CRYBA1: variants seen among roughly 807,000 people sequenced by gnomAD.
CRYBA1 encodes the protein beta-crystallin A3.
In CRYBA1, 25 loss-of-function variants were observed where a neutral mutation model predicts 36.2. The ratio of observed to expected loss-of-function variants is 0.69; its 90% CI spans 0.50 to 0.97. CRYBA1 has a LOEUF of 0.97. Ranked by LOEUF, CRYBA1 falls within the 50% of genes least tolerant of loss-of-function variation. The pLI is 0.00. For synonymous variants in CRYBA1, 111 were observed against 90.0 expected (o/e 1.23, Z -1.32); for missense variants, 224 against 276.3 (o/e 0.81, Z 1.34).
intron 1 of CRYBA1, among the ~76,000 whole-genome samples, chr17:29,247,846 G>A (rs551093062): frequency 3.3e-5 from 5 of 152,346 alleles, no homozygotes; most frequent in Admixed American, 2.6e-4. Flanking sequence ...GCCAGGCGCC[G>A]TGGCTCATGC....
chr17:29,247,516 T>C (rs1289442000), intron 1 of CRYBA1, among the ~76,000 whole-genome samples: 1 of 152,206 alleles, frequency 6.6e-6, no homozygotes, highest in African/African-American at 2.4e-5. Context: ...GGGCCGGACA[T>C]GTAGATAGCC....
In CRYBA1 at chr17:29,249,895, A is replaced by T. The variant is rs200402953; in HGVS notation, c.97-287A>T. Among the ~76,000 whole-genome samples, 63 of 120,564 alleles carry T rather than the reference A, an allele frequency of 5.2e-4. 1 individual carries two copies. In the Middle Eastern group the frequency reaches 0.015, roughly 28 times the overall value. 79.1% of individuals were successfully genotyped at this position (120,564 alleles called of 152,430 possible). ...AGGAACTGTGGTGGAATGGGAGCCCATAAGTCCTTGGCCTGTCCATTGGTC... is the reference window on the plus strand; with the variant it reads ...AGGAACTGTGGTGGAATGGGAGCCCTTAAGTCCTTGGCCTGTCCATTGGTC... On this transcript the variant is annotated intron_variant, in intron 2 of 5. Coordinates refer to ENST00000225387, the MANE Select transcript of CRYBA1 (RefSeq NM_005208.5).
At chr17:29,253,953 A>T (rs1267729973) in intron 5 of CRYBA1, among the ~76,000 whole-genome samples, 171 bp downstream of exon 5, 1 of 152,182 alleles carries the variant, frequency 6.6e-6, no homozygotes, top group African/African-American at 2.4e-5. Flanking sequence ...TTGCAGATTT[A>T]TCTCCCCCAG....
At chr17:29,251,857 C>A (rs2068937348) in intron 3 of CRYBA1, among the ~76,000 whole-genome samples, 1 of 152,112 alleles carries the variant, frequency 6.6e-6, no homozygotes, top group African/African-American at 2.4e-5. Context: ...TCAGTGATAA[C>A]CCCCAAACAA....
At chr17:29,252,834 T>C (rs1176204816) in intron 4 of CRYBA1, among the ~76,000 whole-genome samples, 2 of 152,242 alleles carry the variant, frequency 1.3e-5, no homozygotes, top group Admixed American at 1.3e-4. Context: ...TGAGAGTTTC[T>C]CGTGATTTTG....
chr17:29,252,931 T>C (rs187014066), intron 4 of CRYBA1, among the ~76,000 whole-genome samples: 1 of 152,240 alleles, frequency 6.6e-6, no homozygotes, highest in Non-Finnish European at 1.5e-5. Flanking sequence ...AAATAAATAG[T>C]TGCCTGTCTG....
At position 29,253,759 on chromosome 17, in the gene CRYBA1, C is replaced by G; in HGVS notation, c.477C>G (p.Gly159=). The change falls in exon 5 of 6, where the codon GGC becomes GGG. Residue 159 remains glycine, a synonymous_variant. Transcript: ENST00000225387. ...QAMGWFNNEV[G]SMKIQSGAWV... ...TGGGCTGGTTCAACAACGAAGTCGG[C>G]TCCATGAAGATACAAAGTGGGGCGT... is the stretch of plus-strand genomic sequence containing the variant. 1.2e-6 allele frequency: 2 copies of G among 1,614,200 alleles called. No individual in the cohort carries two copies. The highest frequency in any genetic ancestry group is 1.7e-6 in the Non-Finnish European group (2 of 1,180,040).
At chr17:29,249,889 G>A (rs1598424780) in intron 2 of CRYBA1, among the ~76,000 whole-genome samples, 1 of 149,582 alleles carries the variant, frequency 6.7e-6, no homozygotes, top group Admixed American at 6.7e-5. Flanking sequence ...GGTGGAATGG[G>A]AGCCCATAAG....
Position 29,254,468 on chromosome 17 carries a change from CAAT to C in CRYBA1, c.*122_*124del. The stretch of plus-strand genomic sequence containing the variant: ...TTCAAATGTTAGCTGCTGAAATCCA[CAAT>C]AAACGTCATTTAAAAAAAAAAAACT... On this transcript the variant is annotated 3_prime_UTR_variant, in exon 6 of 6. Coordinates refer to ENST00000225387, the MANE Select transcript of CRYBA1 (RefSeq NM_005208.5). The C allele has an allele frequency of 9.5e-7, 1 of 1,052,018 alleles. No homozygotes were observed. Among genetic ancestry groups the C allele is most frequent in the Non-Finnish European group, 1.4e-6 (1 of 704,694 alleles). The allele number at this position is 1,052,018 out of a possible 1,614,324, so 65.2% of individuals were successfully genotyped here. A position where few individuals can be genotyped will look rare whatever the true frequency, so the allele number is the denominator to read the frequency against.
intron 1 of CRYBA1, 49 bp from the exon 2 acceptor site, chr17:29,249,093 C>T (rs766141643): frequency 1.6e-6 from 2 of 1,239,228 alleles, no homozygotes; most frequent in South Asian, 1.2e-5. Context: ...TCCCTCACCT[C>T]CCCCTCCTCC....
chr17:29,250,124 C>G (rs1380796643), intron 2 of CRYBA1, 58 bp from the exon 3 acceptor site: 2 of 971,776 alleles, frequency 2.1e-6, no homozygotes, highest in Non-Finnish European at 3.4e-6. Context: ...AGCTGTTGAC[C>G]TGGACCTCTG....
chr17:29,249,655 C>G (rs1422197416), intron 2 of CRYBA1, among the ~76,000 whole-genome samples: 1 of 152,238 alleles, frequency 6.6e-6, no homozygotes, highest in Non-Finnish European at 1.5e-5. Context: ...ACTCCCCACT[C>G]TCCTCATTGG....
At chr17:29,251,787 T>C (rs2068936837) in intron 3 of CRYBA1, among the ~76,000 whole-genome samples, 2 of 152,176 alleles carry the variant, frequency 1.3e-5, no homozygotes, top group Admixed American at 6.5e-5. Context: ...CCAGGAAATA[T>C]AATTTTAGAT....
intron 3 of CRYBA1, among the ~76,000 whole-genome samples, chr17:29,251,162 C>T (rs1457741492): frequency 6.6e-6 from 1 of 152,156 alleles, no homozygotes; most frequent in Admixed American, 6.5e-5. Context: ...CCATCAGTTG[C>T]TTGTTCATCC....
chr17:29,248,795 C>T (rs894823406), intron 1 of CRYBA1, among the ~76,000 whole-genome samples: 1 of 151,864 alleles, frequency 6.6e-6, no homozygotes, highest in Non-Finnish European at 1.5e-5. Flanking sequence ...GGTGAAACCC[C>T]CATCTCTACT....
chr17:29,250,345 C>T (rs772371964), intron 3 of CRYBA1, 45 bp downstream of exon 3: 4 of 1,096,756 alleles, frequency 3.6e-6, no homozygotes, highest in Non-Finnish European at 5.7e-6. Flanking sequence ...ATTTCAGGTC[C>T]CTTCAGACAG....
chr17:29,247,288 C>T (rs375571319), intron 1 of CRYBA1, among the ~76,000 whole-genome samples: 100 of 152,296 alleles, frequency 6.6e-4, no homozygotes, highest in Middle Eastern at 3.4e-3. Flanking sequence ...ACCTAATACA[C>T]ACCTGCCTGT....
Position 29,251,940 on chromosome 17 carries a change from C to T in CRYBA1, c.216-124C>T, listed in dbSNP as rs941357355. 5.8e-6 allele frequency: 7 copies of T among 1,206,762 alleles called. No homozygotes were observed. In the African/African-American group the frequency reaches 1.0e-4, roughly 18 times the overall value. The allele number at this position is 1,206,762 out of a possible 1,614,324, so 74.8% of individuals were successfully genotyped here. ...AACTCTTGTGACAAATTACTTTGTA[C>T]AGCTCTACTGGGATTGGCTTGATAT... On this transcript the variant is annotated intron_variant, in intron 3 of 5. Coordinates refer to ENST00000225387, the MANE Select transcript of CRYBA1 (RefSeq NM_005208.5).
chr17:29,252,099 A>G lies in CRYBA1; in HGVS notation c.251A>G (p.Gln84Arg). 6.2e-7 allele frequency: 1 copy of G among 1,614,200 alleles called. No individual in the cohort carries two copies. The change falls in exon 4 of 6, where the codon CAA (glutamine) becomes CGA (arginine). Residue 84 changes from glutamine (Q) to arginine (R), a missense_variant. Coordinates refer to ENST00000225387, the MANE Select transcript of CRYBA1 (RefSeq NM_005208.5). ...IGYEHTSFCG[Q>R]QFILERGEYP... The stretch of plus-strand genomic sequence containing the variant: ...TATGAGCATACCAGCTTCTGTGGGC[A>G]ACAGTTTATCCTGGAGAGAGGAGAA...
Sources: gnomAD v4.1 joint callset for allele counts (sites outside exome capture counted in the v4.1 genomes callset) on GRCh38, gnomAD v4.1.1 for gene constraint, MANE v1.5 for transcripts, NCBI Gene and HGNC (gene_info 2026-07-23, HGNC 2026-07-21) for gene names.